The following IFRD1 variants were observed in gnomAD, a reference collection of about 807,000 sequenced individuals.
IFRD1 encodes interferon related developmental regulator 1.
Under a neutral mutation model 52.9 loss-of-function variants are expected in IFRD1, and 35 were observed. The observed-to-expected ratio is 0.66, with a 90% confidence interval of 0.51 to 0.88. The LOEUF (loss-of-function observed/expected upper bound fraction) is 0.88. Among genes scored for constraint, IFRD1 ranks in the 40% least tolerant of loss-of-function variants. The pLI is 0.00. For missense variants in IFRD1, 517 were observed against 550.8 expected (o/e 0.94, Z 0.61); for synonymous variants, 184 against 188.4 (o/e 0.98, Z 0.19).
At chr7:112,430,293 T>A (rs1406058721) in intron 1 of IFRD1, among the ~76,000 whole-genome samples, 3 of 152,172 alleles carry the variant, frequency 2.0e-5, no homozygotes, top group Non-Finnish European at 4.4e-5. Context: ...GCCTCCTGAT[T>A]GTTGTGGTAC....
rs185004518 is a variant in IFRD1 at position 112,468,531 on chromosome 7, G to A, written c.1041+416G>A. Among the ~76,000 whole-genome samples the A allele has an allele frequency of 2.0e-5, 3 of 152,166 alleles. No individual in the cohort carries two copies. In the East Asian group the frequency reaches 5.8e-4, roughly 29 times the overall value. On this transcript the variant is annotated intron_variant, in intron 9 of 11. Coordinates refer to ENST00000403825, the MANE Select transcript of IFRD1 (RefSeq NM_001550.4). ...ATTTATTTATTTGAGATGGAGTCTC[G>A]CTGTGTTGCCCAGACTGGAGTGCAG...
chr7:112,432,631 C>G (rs1410327111), intron 1 of IFRD1, among the ~76,000 whole-genome samples: 1 of 152,144 alleles, frequency 6.6e-6, no homozygotes, highest in African/African-American at 2.4e-5. Context: ...GATTAAATAA[C>G]TTACCCAAGA....
At chr7:112,466,074 T>G (rs970698917) in intron 8 of IFRD1, among the ~76,000 whole-genome samples, 4 of 151,910 alleles carry the variant, frequency 2.6e-5, no homozygotes, top group African/African-American at 7.3e-5. Context: ...TGACTGCTGG[T>G]TTTTTTTATT....
At chr7:112,427,705 T>C (rs1244896973) in intron 1 of IFRD1, among the ~76,000 whole-genome samples, 1 of 152,230 alleles carries the variant, frequency 6.6e-6, no homozygotes, top group African/African-American at 2.4e-5. Context: ...ACCCCAGAAC[T>C]ATCTCTTATC....
rs913497666 is a variant in IFRD1 at position 112,450,531 on chromosome 7, C to T, written c.-158C>T. On this transcript the variant is annotated 5_prime_UTR_variant, in exon 1 of 12. Transcript: ENST00000403825. ...AGCTCTTCACGGGGATTTCTGCTGCCGCCACCGCCCACTCTTACCCCCGCC... is the reference window on the plus strand; with the variant it reads ...AGCTCTTCACGGGGATTTCTGCTGCTGCCACCGCCCACTCTTACCCCCGCC... 4.5e-6 allele frequency: 3 copies of T among 660,328 alleles called. No homozygotes were observed. Among genetic ancestry groups the T allele is most frequent in the African/African-American group, 3.6e-5 (2 of 55,540 alleles). 40.9% of individuals were successfully genotyped at this position (660,328 alleles called of 1,614,324 possible).
At chr7:112,424,350 G>A in intron 1 of IFRD1, among the ~76,000 whole-genome samples, 1 of 152,088 alleles carries the variant, frequency 6.6e-6, no homozygotes, top group East Asian at 1.9e-4. Flanking sequence ...GTCAGCACAG[G>A]GTCAGCTTGC....
At chr7:112,452,904 G>GTTAACT (rs972345301) in intron 1 of IFRD1, among the ~76,000 whole-genome samples, 151 of 152,320 alleles carry the variant, frequency 9.9e-4, no homozygotes, top group African/African-American at 3.3e-3. Flanking sequence ...GCTAGAACTT[G>GTTAACT]TTAACTGTGG....
intron 1 of IFRD1, among the ~76,000 whole-genome samples, chr7:112,438,989 C>T (rs529448320): frequency 9.2e-5 from 14 of 152,178 alleles, no homozygotes; most frequent in African/African-American, 3.4e-4. Context: ...ACAACAACAA[C>T]AACAACAAGA....
chr7:112,445,782 G>A (rs1795014521), upstream of IFRD1, among the ~76,000 whole-genome samples: 1 of 152,156 alleles, frequency 6.6e-6, no homozygotes. Context: ...TTGCACAAAG[G>A]TGCTACATGT....
intron 1 of IFRD1, among the ~76,000 whole-genome samples, chr7:112,455,191 A>G (rs1472649026): frequency 1.3e-5 from 2 of 151,276 alleles, no homozygotes; most frequent in African/African-American, 4.8e-5. Flanking sequence ...TCATAAAAAA[A>G]TGAGTGCGTC....
rs1795913506 is a variant in IFRD1, at chr7:112,476,736, A to G, written c.*1217A>G. 1 of 152,236 alleles carries G rather than the reference A, an allele frequency of 6.6e-6. No homozygotes were observed. Among genetic ancestry groups the G allele is most frequent in the African/African-American group, 2.4e-5 (1 of 41,474 alleles). The allele number at this position is 152,236 out of a possible 1,614,324, so 9.4% of individuals were successfully genotyped here. A position where few individuals can be genotyped will look rare whatever the true frequency, so the allele number is the denominator to read the frequency against. On this transcript the variant is annotated 3_prime_UTR_variant, in exon 12 of 12. Transcript: ENST00000403825. Reference sequence around the variant, plus strand: ...TGAAAAGCATTTTGACAACACGTTAACATTTAATAAACTTTAGATTAAAAT... The same window carrying G: ...TGAAAAGCATTTTGACAACACGTTAGCATTTAATAAACTTTAGATTAAAAT...
intron 8 of IFRD1, among the ~76,000 whole-genome samples, chr7:112,464,334 TAATA>T (rs1795555863): frequency 6.6e-6 from 1 of 152,146 alleles, no homozygotes; most frequent in Non-Finnish European, 1.5e-5. Flanking sequence ...TAAATAATAA[TAATA>T]AACTGTGTTC....
chr7:112,438,004 G>C (rs188436324), intron 1 of IFRD1, among the ~76,000 whole-genome samples: 1 of 152,190 alleles, frequency 6.6e-6, no homozygotes, highest in Admixed American at 6.5e-5. Flanking sequence ...AGAAGAAACA[G>C]GTAAAGAGTG....
chr7:112,456,722 AAGTGTTTTGTGTAACAAGGTG>A (rs1470326070), intron 3 of IFRD1, among the ~76,000 whole-genome samples, 171 bp from the exon 4 acceptor site: 1 of 152,202 alleles, frequency 6.6e-6, no homozygotes, highest in Admixed American at 6.5e-5. Context: ...AAGCAGCCTT[AAGTGTTTTGTGTAACAAGGTG>A]AGTCATAGAT....
intron 1 of IFRD1, among the ~76,000 whole-genome samples, chr7:112,427,501 C>G (rs780682860): frequency 1.3e-5 from 2 of 152,138 alleles, no homozygotes; most frequent in Non-Finnish European, 2.9e-5. Flanking sequence ...CTTTTTGTCT[C>G]AGTAGCTTAG....
Position 112,458,905 on chromosome 7 carries a change from C to G in IFRD1, c.454C>G (p.Leu152Val), listed in dbSNP as rs1434905030. The change falls in exon 5 of 12, where the codon CTT becomes GTT. Residue 152 changes from leucine (L) to valine (V), a missense_variant. Leu to Val is a conservative substitution (Grantham distance 32). Coordinates refer to ENST00000403825, the MANE Select transcript of IFRD1 (RefSeq NM_001550.4). ...TGCAGCTGCAGCGTTAGCATCTGTT[C>G]TTTGTATTCAGCTGGGCCCTGGAAT... is the stretch of plus-strand genomic sequence containing the variant. The part of the protein sequence containing the change: ...QRAAAALASV[L>V]CIQLGPGIES... 1 of 1,613,832 alleles carries G rather than the reference C, an allele frequency of 6.2e-7. No individual in the cohort carries two copies. The highest frequency in any genetic ancestry group is 1.3e-5 in the African/African-American group (1 of 74,898).
intron 1 of IFRD1, among the ~76,000 whole-genome samples, chr7:112,423,666 G>A (rs918322806): frequency 6.6e-6 from 1 of 152,158 alleles, no homozygotes; most frequent in African/African-American, 2.4e-5. Context: ...GGGTCAGGAA[G>A]GTGATGAGGA....
At chr7:112,427,906 G>A (rs1346687312) in intron 1 of IFRD1, among the ~76,000 whole-genome samples, 2 of 152,140 alleles carry the variant, frequency 1.3e-5, no homozygotes, top group East Asian at 3.9e-4. Context: ...GCTATAAACA[G>A]GTCCTTTTAA....
chr7:112,448,262 T>C (rs892339766), upstream of IFRD1, among the ~76,000 whole-genome samples: 1 of 151,978 alleles, frequency 6.6e-6, no homozygotes, highest in East Asian at 1.9e-4. Context: ...AACAAGTACG[T>C]ATATGATGTG....
Sources: allele counts gnomAD v4.1 joint callset (sites outside exome capture counted in the v4.1 genomes callset), GRCh38; gene constraint gnomAD v4.1.1; transcripts MANE v1.5; gene names NCBI Gene and HGNC (gene_info 2026-07-23, HGNC 2026-07-21).